Variants in SGCZ observed in about 807,000 individuals in gnomAD.
SGCZ encodes sarcoglycan zeta, also known as zeta-sarcoglycan.
SGCZ carries 40 observed loss-of-function variants against 41.3 expected under a neutral mutation model. The observed-to-expected ratio is 0.97, with a 90% CI of 0.75 to 1.26. SGCZ has a LOEUF of 1.26. SGCZ is among the 50% of genes most tolerant of loss of function. The pLI, the probability that SGCZ is intolerant of heterozygous loss-of-function variation, is 0.00. For missense variants in SGCZ, 552 were observed against 369.8 expected (o/e 1.49, Z -4.04); for synonymous variants, 206 against 137.5 (o/e 1.50, Z -3.49).
intron 1 of SGCZ, among the ~76,000 whole-genome samples, chr8:14,704,433 A>C (rs573200337): frequency 1.3e-5 from 2 of 152,140 alleles, no homozygotes; most frequent in African/African-American, 2.4e-5. Context: ...AATTTTGATA[A>C]GTTTTTCAAA....
At chr8:14,378,914 G>C (rs1288615768) in intron 2 of SGCZ, among the ~76,000 whole-genome samples, 2 of 152,096 alleles carry the variant, frequency 1.3e-5, no homozygotes, top group Non-Finnish European at 2.9e-5. Context: ...TGACTTATAA[G>C]AGCTTTTTAC....
chr8:14,636,217 T>C (rs1806824374), intron 1 of SGCZ, among the ~76,000 whole-genome samples: 1 of 151,892 alleles, frequency 6.6e-6, no homozygotes, highest in Non-Finnish European at 1.5e-5. Context: ...AATTTTGTTA[T>C]AGAGAAGCTG....
chr8:14,635,121 C>G (rs1052965257), intron 1 of SGCZ, among the ~76,000 whole-genome samples: 3 of 151,616 alleles, frequency 2.0e-5, no homozygotes, highest in African/African-American at 7.3e-5. Flanking sequence ...TATATTTTAA[C>G]ATCAAACTTT....
intron 2 of SGCZ, among the ~76,000 whole-genome samples, chr8:14,464,215 G>A (rs1401281198): frequency 1.3e-5 from 2 of 151,492 alleles, no homozygotes; most frequent in African/African-American, 2.4e-5. Context: ...TAAATTTTGG[G>A]TAGAATCCAC....
At chr8:14,675,192 G>A (rs1463698304) in intron 1 of SGCZ, among the ~76,000 whole-genome samples, 2 of 151,146 alleles carry the variant, frequency 1.3e-5, no homozygotes, top group African/African-American at 4.9e-5. Context: ...TGCCCACCTC[G>A]GCCTCCCAAA....
chr8:14,210,025 C>A lies in SGCZ; in HGVS notation c.424+27567G>T, dbSNP rs376918425. Among the ~76,000 whole-genome samples the A allele has an allele frequency of 8.6e-5, 13 of 151,830 alleles. No homozygotes were observed. The East Asian group carries it at 2.3e-3, about 27-fold the overall frequency. On this transcript the variant is annotated intron_variant, in intron 4 of 7. Coordinates refer to ENST00000382080, the MANE Select transcript of SGCZ (RefSeq NM_139167.4). ...CTTCAGATTCTTATGTTTGATACAA[C>A]TTGTTATCTACACTATTAAGTTTTG... is the stretch of plus-strand genomic sequence containing the variant.
At chr8:14,439,304 G>A (rs10091219) in intron 2 of SGCZ, among the ~76,000 whole-genome samples, 22,286 of 136,886 alleles carry the variant, frequency 0.16, 1,762 homozygotes, top group African/African-American at 0.2. Flanking sequence ...ATATATAGAA[G>A]AAAGAAATAT....
At chr8:14,575,610 T>C (rs974038665) in intron 1 of SGCZ, among the ~76,000 whole-genome samples, 2 of 151,938 alleles carry the variant, frequency 1.3e-5, no homozygotes, top group Non-Finnish European at 2.9e-5. Flanking sequence ...CACAGAGCAG[T>C]TAAAATGAAT....
At chr8:14,976,398 C>T (rs1801479493) in intron 1 of SGCZ, among the ~76,000 whole-genome samples, 1 of 152,068 alleles carries the variant, frequency 6.6e-6, no homozygotes, top group African/African-American at 2.4e-5. Context: ...TCTAAATGTG[C>T]AAAATCTTAT....
At chr8:14,734,274 A>G (rs1798961430) in intron 1 of SGCZ, among the ~76,000 whole-genome samples, 1 of 152,206 alleles carries the variant, frequency 6.6e-6, no homozygotes, top group African/African-American at 2.4e-5. Context: ...ATAAGATGGT[A>G]GGAAGAGAAA....
chr8:14,127,721 G>A (rs1802906610), intron 5 of SGCZ, among the ~76,000 whole-genome samples: 1 of 152,138 alleles, frequency 6.6e-6, no homozygotes, highest in Admixed American at 6.5e-5. Context: ...CTCCCAAAGT[G>A]CTGGGATTAC....
chr8:14,335,232 G>T (rs1802468301), intron 2 of SGCZ, among the ~76,000 whole-genome samples: 1 of 152,082 alleles, frequency 6.6e-6, no homozygotes, highest in South Asian at 2.1e-4. Context: ...GAAGTCCCTT[G>T]GAGTTTTAGT....
rs1034611514 is a variant in SGCZ at position 14,790,956 on chromosome 8, G to T, written c.40-236030C>A. 2.6e-5 allele frequency among the ~76,000 whole-genome samples: 4 copies of T among 151,404 alleles called. 1 individual carries two copies. On this transcript the variant is annotated intron_variant, in intron 1 of 7. Coordinates refer to ENST00000382080, the MANE Select transcript of SGCZ (RefSeq NM_139167.4). Reference sequence around the variant, plus strand: ...TAAGGCAGGAGGATCTCTTGAACACGGGAGGCAAAGGTTGCAGTGAGCCAA... The same window carrying T: ...TAAGGCAGGAGGATCTCTTGAACACTGGAGGCAAAGGTTGCAGTGAGCCAA...
At chr8:14,288,271 T>C (rs1044346742) in intron 3 of SGCZ, among the ~76,000 whole-genome samples, 1 of 152,178 alleles carries the variant, frequency 6.6e-6, no homozygotes, top group Non-Finnish European at 1.5e-5. Flanking sequence ...TTTATTGCAT[T>C]GAAATACATG....
intron 1 of SGCZ, among the ~76,000 whole-genome samples, chr8:14,605,664 A>G (rs1805726010): frequency 6.6e-6 from 1 of 152,148 alleles, no homozygotes. Context: ...AATTTCACTC[A>G]TCATGTTTAC....
chr8:14,981,226 C>T (rs187452904), intron 1 of SGCZ, among the ~76,000 whole-genome samples: 17 of 152,306 alleles, frequency 1.1e-4, no homozygotes, highest in Admixed American at 2.6e-4. Flanking sequence ...TCTCTTCTAA[C>T]AAATCTTGCC....
chr8:14,518,776 C>T (rs1002680355), intron 2 of SGCZ, among the ~76,000 whole-genome samples: 2 of 150,596 alleles, frequency 1.3e-5, no homozygotes, highest in African/African-American at 4.9e-5. Context: ...GACAGACAGA[C>T]AGTCAGAGAA....
At chr8:14,329,426 A>G (rs1563260781) in intron 2 of SGCZ, among the ~76,000 whole-genome samples, 1 of 152,220 alleles carries the variant, frequency 6.6e-6, no homozygotes, top group African/African-American at 2.4e-5. Flanking sequence ...TTTAAAAAGT[A>G]GATTGTCTAA....
intron 1 of SGCZ, among the ~76,000 whole-genome samples, chr8:14,858,285 T>C (rs1355127442): frequency 6.6e-6 from 1 of 152,046 alleles, no homozygotes; most frequent in African/African-American, 2.4e-5. Flanking sequence ...AATGAACTCA[T>C]CACATTAACA....
Sources: allele counts gnomAD v4.1 joint callset (sites outside exome capture counted in the v4.1 genomes callset), GRCh38; gene constraint gnomAD v4.1.1; transcripts MANE v1.5; gene names NCBI Gene and HGNC (gene_info 2026-07-23, HGNC 2026-07-21).